TRIO: variants seen among roughly 807,000 people sequenced by gnomAD.
TRIO encodes the protein trio Rho guanine nucleotide exchange factor, also known as triple functional domain protein.
TRIO carries 58 observed loss-of-function variants against 351.9 expected under a neutral mutation model. The observed-to-expected ratio is 0.16, with a 90% CI of 0.13 to 0.21. TRIO has a LOEUF of 0.21. Among genes scored for constraint, TRIO ranks in the 10% least tolerant of loss-of-function variants. The probability of loss-of-function intolerance (pLI) is 1.00; values close to 1 mark genes in which losing one functional copy is unlikely to be tolerated. For missense variants in TRIO, 3,201 were observed against 4,027.8 expected (o/e 0.79, Z 5.56); for synonymous variants, 1,758 against 1,595.7 (o/e 1.10, Z -2.42).
At chr5:14,446,549 G>A (rs937925104) in intron 34 of TRIO, among the ~76,000 whole-genome samples, 46 of 152,156 alleles carry the variant, frequency 3.0e-4, no homozygotes, top group Admixed American at 2.9e-3. Flanking sequence ...TTCAGGTCTT[G>A]GTGTTGCATC....
chr5:14,507,137 C>G lies in TRIO; in HGVS notation c.8628C>G (p.Arg2876=). ...GCCTCTTTAGGGCTGACCAGGGTCG[C>G]CTCCTGGACTGCGTGGTGCGATGGG... ...ILVLEMADQG[R]LLDCVVRWGS... Residue 2876 remains arginine (R), a synonymous_variant, in exon 56 of 57, where the codon CGC becomes CGG. Coordinates refer to ENST00000344204, the MANE Select transcript of TRIO (RefSeq NM_007118.4). The G allele has an allele frequency of 1.2e-6, 2 of 1,604,526 alleles. No homozygotes were observed. The highest frequency in any genetic ancestry group is 4.5e-5 in the East Asian group (2 of 44,692).
chr5:14,397,728 C>T (rs771520667), intron 29 of TRIO, among the ~76,000 whole-genome samples: 1 of 152,186 alleles, frequency 6.6e-6, no homozygotes, highest in Non-Finnish European at 1.5e-5. Context: ...TAATCCTGCC[C>T]CAAATGCTTT....
intron 1 of TRIO, among the ~76,000 whole-genome samples, chr5:14,147,688 AC>A (rs1393909079): frequency 6.6e-6 from 1 of 152,152 alleles, no homozygotes; most frequent in Admixed American, 6.5e-5. Context: ...AAGCACACAT[AC>A]TTTTATATAT....
intron 34 of TRIO, among the ~76,000 whole-genome samples, chr5:14,429,689 A>G (rs1196878953): frequency 6.6e-6 from 1 of 152,250 alleles, no homozygotes; most frequent in Non-Finnish European, 1.5e-5. Context: ...GGTATTTTAC[A>G]TGGTTCAGAA....
Position 14,297,154 on chromosome 5 carries a change from G to T in TRIO, c.1259G>T (p.Arg420Met). The T allele has an allele frequency of 6.2e-7, 1 of 1,614,196 alleles. No individual in the cohort carries two copies. The highest frequency in any genetic ancestry group is 8.5e-7 in the Non-Finnish European group (1 of 1,180,036). Residue 420 changes from arginine (R) to methionine (M), a missense_variant, in exon 7 of 57, where the codon AGG becomes ATG. Arg to Met is a moderately conservative substitution (Grantham distance 91, BLOSUM62 -1). This residue lies in a region of TRIO where 349 missense variants were observed against 449.3 expected (regional missense o/e 0.78). Coordinates refer to ENST00000344204, the MANE Select transcript of TRIO (RefSeq NM_007118.4). ...GGCCACTATGCCTCGCAGCAGATCA[G>T]GCAGATCGCGAGTCAGCTGGAGCAG... Reference protein sequence around the residue: ...ESGHYASQQIRQIASQLEQEW... With the variant: ...ESGHYASQQIMQIASQLEQEW...
chr5:14,437,697 C>CG (rs749455229), intron 34 of TRIO, among the ~76,000 whole-genome samples: 40 of 147,978 alleles, frequency 2.7e-4, no homozygotes, highest in African/African-American at 9.8e-4. Context: ...CCCCCCCCGC[C>CG]CCAAGGACCT....
intron 8 of TRIO, among the ~76,000 whole-genome samples, chr5:14,306,399 A>C (rs1738370842): frequency 6.6e-6 from 1 of 152,258 alleles, no homozygotes; most frequent in African/African-American, 2.4e-5. Context: ...TTTTTTAATC[A>C]CATTGGCTCA....
intron 1 of TRIO, among the ~76,000 whole-genome samples, chr5:14,191,100 C>A (rs1049390112): frequency 6.6e-6 from 1 of 152,220 alleles, no homozygotes; most frequent in Non-Finnish European, 1.5e-5. Context: ...TGGTGGCTCG[C>A]ACTGTGTTGA....
chr5:14,168,384 T>TATGAGTAATA (rs1216500070), intron 1 of TRIO, among the ~76,000 whole-genome samples: 2 of 152,272 alleles, frequency 1.3e-5, no homozygotes, highest in Non-Finnish European at 2.9e-5. Context: ...GTGAACTAAA[T>TATGAGTAATA]AGGCTCTCTA....
At chr5:14,176,673 G>A (rs1231044075) in intron 1 of TRIO, among the ~76,000 whole-genome samples, 1 of 152,084 alleles carries the variant, frequency 6.6e-6, no homozygotes, top group African/African-American at 2.4e-5. Context: ...TGCCTTGGCC[G>A]GTCTTGAACT....
intron 1 of TRIO, among the ~76,000 whole-genome samples, chr5:14,211,878 A>G (rs146148122): frequency 0.015 from 2,335 of 151,986 alleles, 29 homozygotes; most frequent in Non-Finnish European, 0.02. Flanking sequence ...TTGAGAGGCC[A>G]AAGTAGAAGG....
At chr5:14,248,303 G>C (rs185929765) in intron 1 of TRIO, among the ~76,000 whole-genome samples, 1 of 152,200 alleles carries the variant, frequency 6.6e-6, no homozygotes, top group Admixed American at 6.5e-5. Context: ...CAAACCTTAG[G>C]CATTAGGTAA....
At position 14,388,664 on chromosome 5, in the gene TRIO, C is replaced by G; in HGVS notation, c.3933C>G (p.Leu1311=). ...CTGAAAAGGCTTATGTAAGAGACCT[C>G]CGGGAATGTATGGATGTAAGTAAGT... The part of the protein sequence containing the change: ...IQTEKAYVRD[L]RECMDTYLWE... Residue 1311 remains leucine, a synonymous_variant, in exon 24 of 57, where the codon CTC becomes CTG. Coordinates refer to ENST00000344204, the MANE Select transcript of TRIO (RefSeq NM_007118.4). The G allele has an allele frequency of 6.2e-7, 1 of 1,611,338 alleles. No individual in the cohort carries two copies.
At chr5:14,388,505 TA>T in intron 23 of TRIO, 107 bp from the exon 24 acceptor site, 1 of 1,105,606 alleles carries the variant, frequency 9.0e-7, no homozygotes, top group Non-Finnish European at 1.3e-6. Context: ...ATGATCAATC[TA>T]AGACTAATAC....
intron 1 of TRIO, among the ~76,000 whole-genome samples, chr5:14,268,902 C>T (rs528331667): frequency 6.6e-5 from 10 of 152,326 alleles, no homozygotes; most frequent in Middle Eastern, 6.8e-3. Flanking sequence ...CAGTGAGTTA[C>T]GGTGACTGGC....
intron 11 of TRIO, among the ~76,000 whole-genome samples, chr5:14,353,873 C>T (rs1743372050): frequency 1.3e-5 from 2 of 152,228 alleles, no homozygotes; most frequent in Non-Finnish European, 2.9e-5. Flanking sequence ...TTTTCATCTT[C>T]TCTTCACCGG....
chr5:14,459,897 C>T (rs1249964485), intron 34 of TRIO, among the ~76,000 whole-genome samples: 1 of 152,122 alleles, frequency 6.6e-6, no homozygotes, highest in African/African-American at 2.4e-5. Context: ...TTCCCCTCCT[C>T]ACATTTCTTT....
chr5:14,452,841 C>T (rs1241475051), intron 34 of TRIO, among the ~76,000 whole-genome samples: 3 of 152,160 alleles, frequency 2.0e-5, no homozygotes, highest in Non-Finnish European at 4.4e-5. Context: ...GAAACATGAT[C>T]CTCCTTGGTC....
Position 14,472,635 on chromosome 5 carries a change from C to T in TRIO, c.5956C>T (p.Arg1986Trp), listed in dbSNP as rs1754772193. Reference protein sequence around the residue: ...ELVETERDYVRDLGYVVEGYM... With the variant: ...ELVETERDYVWDLGYVVEGYM... ...AGTGGAGACAGAGCGTGACTATGTG[C>T]GGGACCTTGGCTATGTGGTTGAGGT... Residue 1986 changes from arginine (R) to tryptophan (W), a missense_variant, in exon 39 of 57, where the codon CGG becomes TGG. Coordinates refer to ENST00000344204, the MANE Select transcript of TRIO (RefSeq NM_007118.4). 2 of 1,614,026 alleles carry T rather than the reference C, an allele frequency of 1.2e-6. No individual in the cohort carries two copies. Among genetic ancestry groups the T allele is most frequent in the Non-Finnish European group, 8.5e-7 (1 of 1,179,948 alleles).
Sources: gnomAD v4.1 joint callset for allele counts (sites outside exome capture counted in the v4.1 genomes callset) on GRCh38, gnomAD v4.1.1 for gene constraint, gnomAD v4.1.1 regional missense constraint, MANE v1.5 for transcripts, NCBI Gene and HGNC (gene_info 2026-07-23, HGNC 2026-07-21) for gene names.